PRKCH: variants seen among roughly 807,000 people sequenced by gnomAD.
The protein encoded by PRKCH is protein kinase C eta type.
Under a neutral mutation model 82.5 loss-of-function variants are expected in PRKCH, and 28 were observed. That is an observed-to-expected ratio of 0.34 (90% CI 0.25 to 0.47). PRKCH has a LOEUF of 0.47. Among genes scored for constraint, PRKCH ranks in the 20% least tolerant of loss-of-function variants. PRKCH has a pLI of 1.00. For missense variants in PRKCH, 705 were observed against 881.8 expected (o/e 0.80, Z 2.54); for synonymous variants, 322 against 327.4 (o/e 0.98, Z 0.18).
chr14:61,496,204 G>A (rs1233321839), intron 10 of PRKCH, among the ~76,000 whole-genome samples: 2 of 152,200 alleles, frequency 1.3e-5, no homozygotes, highest in Non-Finnish European at 2.9e-5. Context: ...CATTTGTCCT[G>A]TAAGGATAAA....
At chr14:61,527,179 A>G (rs2042977313) in intron 10 of PRKCH, among the ~76,000 whole-genome samples, 1 of 152,124 alleles carries the variant, frequency 6.6e-6, no homozygotes, top group African/African-American at 2.4e-5. Flanking sequence ...AGGACTCTTT[A>G]CCAAACAATC....
chr14:61,351,547 G>A (rs539555573), intron 1 of PRKCH, among the ~76,000 whole-genome samples: 5 of 152,294 alleles, frequency 3.3e-5, no homozygotes, highest in East Asian at 1.9e-4. Flanking sequence ...CTAAATACAC[G>A]AAAGCACGCC....
intron 1 of PRKCH, among the ~76,000 whole-genome samples, chr14:61,285,233 C>T (rs2045304671): frequency 6.6e-6 from 1 of 152,158 alleles, no homozygotes; most frequent in South Asian, 2.1e-4. Flanking sequence ...TACACTGCCA[C>T]ACCAATGTAT....
chr14:61,250,533 C>G (rs552272611), intron 1 of PRKCH, among the ~76,000 whole-genome samples: 1 of 152,194 alleles, frequency 6.6e-6, no homozygotes, highest in African/African-American at 2.4e-5. Flanking sequence ...CGTTCTGTCT[C>G]CATAGGCCAA....
intron 1 of PRKCH, among the ~76,000 whole-genome samples, chr14:61,343,351 CAAAAAA>C (rs57154047): frequency 4.6e-5 from 4 of 87,346 alleles, no homozygotes; most frequent in Non-Finnish European, 8.7e-5. Flanking sequence ...CCAGTTCCCT[CAAAAAA>C]AAAAAAAAAA....
intron 4 of PRKCH, among the ~76,000 whole-genome samples, chr14:61,446,045 A>C (rs1884205906): frequency 6.6e-6 from 1 of 152,218 alleles, no homozygotes; most frequent in African/African-American, 2.4e-5. Flanking sequence ...TTTGAAGATA[A>C]ACTTTTGTTT....
intron 1 of PRKCH, among the ~76,000 whole-genome samples, chr14:61,346,177 G>A (rs2045990006): frequency 6.6e-6 from 1 of 152,164 alleles, no homozygotes; most frequent in South Asian, 2.1e-4. Context: ...AAGAAAGCTT[G>A]TCAGGGTGGC....
At chr14:61,498,290 G>A (rs1886753625) in intron 10 of PRKCH, among the ~76,000 whole-genome samples, 1 of 152,172 alleles carries the variant, frequency 6.6e-6, no homozygotes, top group African/African-American at 2.4e-5. Flanking sequence ...TGGGATTACA[G>A]GCATGAGCCA....
intron 1 of PRKCH, among the ~76,000 whole-genome samples, chr14:61,328,593 T>C (rs2045735858): frequency 6.6e-6 from 1 of 152,092 alleles, no homozygotes; most frequent in African/African-American, 2.4e-5. Context: ...GAATGGTGAT[T>C]AGTGGTGATG....
At chr14:61,547,698 T>C in intron 12 of PRKCH, 45 bp from the exon 13 acceptor site, 1 of 1,592,752 alleles carries the variant, frequency 6.3e-7, no homozygotes, top group Non-Finnish European at 8.6e-7. Flanking sequence ...GACGTGCTGG[T>C]TGTATGTGAA....
intron 1 of PRKCH, 26 bp downstream of exon 1, chr14:61,322,490 T>G: frequency 6.3e-7 from 1 of 1,575,610 alleles, no homozygotes; most frequent in East Asian, 2.3e-5. Flanking sequence ...CCCTTCCCTT[T>G]GTGTCCACCC....
At chr14:61,248,045 G>C (rs1232622120) in intron 1 of PRKCH, among the ~76,000 whole-genome samples, 2 of 152,176 alleles carry the variant, frequency 1.3e-5, no homozygotes, top group Non-Finnish European at 2.9e-5. Context: ...TCCTTGTATG[G>C]TCTGGGAGTG....
intron 9 of PRKCH, among the ~76,000 whole-genome samples, chr14:61,464,285 T>C (rs1233779526): frequency 6.6e-6 from 1 of 152,224 alleles, no homozygotes; most frequent in Non-Finnish European, 1.5e-5. Flanking sequence ...TAATATCTCA[T>C]TGTGGTTTTA....
chr14:61,299,872 T>C (rs2045436272), intron 1 of PRKCH: 1 of 152,226 alleles, frequency 6.6e-6, no homozygotes, highest in African/African-American at 2.4e-5. Context: ...GTATTGTTAT[T>C]TGATATAAGA....
chr14:61,410,643 T>C (rs1469084219), intron 2 of PRKCH, among the ~76,000 whole-genome samples: 2 of 152,236 alleles, frequency 1.3e-5, no homozygotes, highest in Non-Finnish European at 2.9e-5. Context: ...TTACTCCTTC[T>C]GCAGTCCCCA....
intron 1 of PRKCH, among the ~76,000 whole-genome samples, chr14:61,351,044 A>G (rs2046067394): frequency 6.6e-6 from 1 of 152,250 alleles, no homozygotes; most frequent in East Asian, 1.9e-4. Context: ...GTCCCAGGAT[A>G]CATGGGTACA....
intron 2 of PRKCH, among the ~76,000 whole-genome samples, chr14:61,418,605 G>T (rs1198238507): frequency 6.6e-6 from 1 of 152,194 alleles, no homozygotes; most frequent in Non-Finnish European, 1.5e-5. Flanking sequence ...GTAGCAGGAG[G>T]CCTTTGTGAT....
intron 1 of PRKCH, among the ~76,000 whole-genome samples, chr14:61,345,612 A>G (rs770808363): frequency 5.9e-5 from 9 of 152,372 alleles, no homozygotes; most frequent in Admixed American, 2.6e-4. Flanking sequence ...GAGATACACA[A>G]TAAGGATTAA....
chr14:61,510,554 TAC>T (rs941204250), intron 10 of PRKCH, among the ~76,000 whole-genome samples: 4 of 151,912 alleles, frequency 2.6e-5, no homozygotes, highest in Admixed American at 2.0e-4. Context: ...AGCAACAGAG[TAC>T]AGTTTAGTTT....
Sources: gnomAD v4.1 joint callset for allele counts (sites outside exome capture counted in the v4.1 genomes callset) on GRCh38, gnomAD v4.1.1 for gene constraint, MANE v1.5 for transcripts, NCBI Gene and HGNC (gene_info 2026-07-23, HGNC 2026-07-21) for gene names.